The following CCDC171 variants were observed in gnomAD, a reference collection of about 807,000 sequenced individuals.
CCDC171 encodes the protein coiled-coil domain-containing protein 171.
CCDC171 carries 177 observed loss-of-function variants against 168.2 expected under a neutral mutation model. The observed-to-expected ratio is 1.05, with a 90% CI of 0.93 to 1.19. The LOEUF (loss-of-function observed/expected upper bound fraction) is 1.19, where lower values mean the gene tolerates loss of function less well. Among genes scored for constraint, CCDC171 ranks in the 50% most tolerant of loss-of-function variants. The pLI is 0.00. For synonymous variants in CCDC171, 687 were observed against 540.8 expected, an observed-to-expected ratio of 1.27 and a Z score of -3.75; for missense variants, 1,991 against 1,539.0, an observed-to-expected ratio of 1.29 and a Z score of -4.91.
intron 8 of CCDC171, among the ~76,000 whole-genome samples, chr9:15,658,397 A>C (rs1348125778): frequency 6.6e-6 from 1 of 152,176 alleles, no homozygotes; most frequent in Non-Finnish European, 1.5e-5. Context: ...GGGTGAAGAG[A>C]TGATGAACAC....
At chr9:15,813,334 A>C (rs1042644531) in intron 21 of CCDC171, among the ~76,000 whole-genome samples, 2 of 152,364 alleles carry the variant, frequency 1.3e-5, no homozygotes, top group Non-Finnish European at 2.9e-5. Context: ...TACAAGACGG[A>C]ACATGTGGGT....
chr9:15,641,512 T>A (rs1259255121), intron 7 of CCDC171, among the ~76,000 whole-genome samples: 5 of 152,218 alleles, frequency 3.3e-5, no homozygotes, highest in Admixed American at 3.3e-4. Context: ...ATGGAAACCA[T>A]AGAACCAAAT....
intron 7 of CCDC171, among the ~76,000 whole-genome samples, chr9:15,653,302 G>A (rs1188166295): frequency 6.6e-6 from 1 of 151,954 alleles, no homozygotes; most frequent in African/African-American, 2.4e-5. Flanking sequence ...ACCATGCCTG[G>A]CTAATTTTTG....
intron 24 of CCDC171, among the ~76,000 whole-genome samples, chr9:15,912,704 T>C (rs1351138827): frequency 6.6e-6 from 1 of 152,246 alleles, no homozygotes; most frequent in East Asian, 1.9e-4. Context: ...TATTTTGAGA[T>C]ATGTTCCATC....
At position 15,881,438 on chromosome 9, in the gene CCDC171, A is replaced by T. The variant is rs146156038; in HGVS notation, c.3600+6775A>T. The stretch of plus-strand genomic sequence containing the variant: ...TAAAGTTCAAATCAGTGTGCTTGGG[A>T]TATAGATCCATCACCTTAAATATTT... On this transcript the variant is annotated intron_variant, in intron 24 of 25. Coordinates refer to ENST00000380701, the MANE Select transcript of CCDC171 (RefSeq NM_173550.4). Among the ~76,000 whole-genome samples, 222 of 152,334 alleles carry T rather than the reference A, an allele frequency of 1.5e-3. 2 individuals are homozygous for T. Among genetic ancestry groups the T allele is most frequent in the African/African-American group, 4.9e-3 (205 of 41,586 alleles).
chr9:15,895,656 T>G (rs1441701293), intron 24 of CCDC171, among the ~76,000 whole-genome samples: 1 of 152,082 alleles, frequency 6.6e-6, no homozygotes, highest in Non-Finnish European at 1.5e-5. Context: ...ACCATAATAA[T>G]ATATTTTTGT....
chr9:15,949,713 G>A lies in CCDC171; in HGVS notation c.3754-21896G>A, dbSNP rs527840760. Reference sequence around the variant, plus strand: ...GCTTAAGGAGATTTTGGGCTGAGACGATGGGGTTTTCTAGATATACAATCA... The same window carrying A: ...GCTTAAGGAGATTTTGGGCTGAGACAATGGGGTTTTCTAGATATACAATCA... On this transcript the variant is annotated intron_variant, in intron 25 of 25. Coordinates refer to ENST00000380701, the MANE Select transcript of CCDC171 (RefSeq NM_173550.4). 2.1e-4 allele frequency among the ~76,000 whole-genome samples: 32 copies of A among 151,954 alleles called. 1 individual carries two copies. Among genetic ancestry groups the A allele is most frequent in the Admixed American group, 1.4e-3 (22 of 15,254 alleles).
At chr9:16,078,619 G>T in the CCDC171 span, among the ~76,000 whole-genome samples, 5 of 152,128 alleles carry the variant, frequency 3.3e-5, no homozygotes, top group African/African-American at 1.2e-4. Flanking sequence ...ACAAATAGGA[G>T]CTGTTCAAGA....
chr9:16,010,583 C>A (rs999257215), intron 3 of CCDC171, among the ~76,000 whole-genome samples: 2 of 152,144 alleles, frequency 1.3e-5, no homozygotes, highest in African/African-American at 2.4e-5. Context: ...ATGGCCCACT[C>A]AGCTCTTTTC....
rs565097942 is a variant in CCDC171 at position 15,634,069 on chromosome 9, A to G, written c.822+10656A>G. Among the ~76,000 whole-genome samples, 215 of 152,264 alleles carry G rather than the reference A, an allele frequency of 1.4e-3. 1 individual carries two copies. Among genetic ancestry groups the G allele is most frequent in the African/African-American group, 5.0e-3 (207 of 41,556 alleles). On this transcript the variant is annotated intron_variant, in intron 7 of 25. Transcript: ENST00000380701. ...CGGGATAGCTTTAGGAGATACACCT[A>G]ATGCTAAATGATGAGTTAATGGGTG...
At chr9:15,796,652 G>T (rs1385085587) in intron 21 of CCDC171, among the ~76,000 whole-genome samples, 1 of 152,222 alleles carries the variant, frequency 6.6e-6, no homozygotes, top group Admixed American at 6.5e-5. Flanking sequence ...TGCGGTTGGG[G>T]AGGGTGTTGG....
intron 3 of CCDC171, among the ~76,000 whole-genome samples, chr9:15,988,297 TCAGAAACCCTTGAGGGAC>T (rs1341944198): frequency 6.6e-6 from 1 of 152,138 alleles, no homozygotes; most frequent in Non-Finnish European, 1.5e-5. Flanking sequence ...AGAAGAAACA[TCAGAAACCCTTGAGGGAC>T]CAGGAAGTGA....
intron 9 of CCDC171, among the ~76,000 whole-genome samples, chr9:15,672,112 G>A (rs993562985): frequency 6.6e-5 from 10 of 152,090 alleles, no homozygotes; most frequent in Admixed American, 3.9e-4. Context: ...GATCATGAGC[G>A]TTTTTTCATA....
At chr9:15,657,314 A>T (rs1415918349) in intron 8 of CCDC171, 95 bp downstream of exon 8, 4 of 678,456 alleles carry the variant, frequency 5.9e-6, no homozygotes, top group Admixed American at 2.4e-5. Flanking sequence ...GAAGGTGTGC[A>T]TTGAGAATGG....
At chr9:15,962,398 T>A (rs1830431104) in intron 25 of CCDC171, among the ~76,000 whole-genome samples, 1 of 152,198 alleles carries the variant, frequency 6.6e-6, no homozygotes, top group African/African-American at 2.4e-5. Context: ...TAATATAAAC[T>A]AATCATAAAT....
chr9:15,884,663 A>C (rs953511841), intron 24 of CCDC171, among the ~76,000 whole-genome samples: 3 of 152,156 alleles, frequency 2.0e-5, no homozygotes, highest in African/African-American at 7.2e-5. Flanking sequence ...CCTGTAATTT[A>C]ACCACCTCGG....
chr9:15,595,520 T>C (rs940055781), intron 6 of CCDC171, among the ~76,000 whole-genome samples: 3 of 152,248 alleles, frequency 2.0e-5, no homozygotes, highest in Middle Eastern at 3.2e-3. Context: ...GGTGTATATG[T>C]GCTGCATTTT....
intron 3 of CCDC171, among the ~76,000 whole-genome samples, chr9:15,575,211 G>A (rs1327600765): frequency 2.1e-5 from 3 of 139,792 alleles, no homozygotes; most frequent in Non-Finnish European, 3.0e-5. Context: ...TGTCACCCAG[G>A]TTGGAGTGCA....
chr9:15,858,678 G>A (rs1363824344), intron 23 of CCDC171, among the ~76,000 whole-genome samples: 1 of 151,868 alleles, frequency 6.6e-6, no homozygotes, highest in Non-Finnish European at 1.5e-5. Context: ...TTATAAGTGT[G>A]ATTTTTTTTA....
Sources: gnomAD v4.1 joint callset for allele counts (sites outside exome capture counted in the v4.1 genomes callset) on GRCh38, gnomAD v4.1.1 for gene constraint, MANE v1.5 for transcripts, NCBI Gene and HGNC (gene_info 2026-07-23, HGNC 2026-07-21) for gene names.